SEMA4D: variants seen among roughly 807,000 people sequenced by gnomAD.
The protein encoded by SEMA4D is semaphorin 4D.
A neutral mutation model predicts 74.8 loss-of-function variants in SEMA4D; 22 were observed. The observed-to-expected ratio is 0.29, with a 90% confidence interval of 0.21 to 0.42. The LOEUF (loss-of-function observed/expected upper bound fraction) is 0.42. Among genes scored for constraint, SEMA4D ranks in the 10% least tolerant of loss-of-function variants. The pLI is 1.00. For synonymous variants in SEMA4D, 445 were observed against 463.7 expected (o/e 0.96, Z 0.52); for missense variants, 937 against 1,118.4 (o/e 0.84, Z 2.31).
At chr9:89,394,044 G>A (rs557116273) in intron 6 of SEMA4D, among the ~76,000 whole-genome samples, 6 of 152,250 alleles carry the variant, frequency 3.9e-5, no homozygotes, top group Admixed American at 6.5e-5. Context: ...CAATAAAGAC[G>A]GCATTCTAAG....
chr9:89,451,746 TA>T (rs1168810074), intron 2 of SEMA4D, among the ~76,000 whole-genome samples: 1 of 151,118 alleles, frequency 6.6e-6, no homozygotes, highest in African/African-American at 2.4e-5. Context: ...GACATTAAAA[TA>T]AATTTGGATT....
chr9:89,411,035 G>T (rs1844418659), intron 2 of SEMA4D, among the ~76,000 whole-genome samples: 1 of 152,206 alleles, frequency 6.6e-6, no homozygotes, highest in Admixed American at 6.5e-5. Context: ...ACCAAAACAA[G>T]GGAGCTGCTT....
intron 2 of SEMA4D, among the ~76,000 whole-genome samples, chr9:89,455,605 C>T (rs1320473709): frequency 6.6e-6 from 1 of 152,196 alleles, no homozygotes; most frequent in African/African-American, 2.4e-5. Context: ...ACCAAACAAG[C>T]CACACTCAGC....
intron 12 of SEMA4D, chr9:89,386,793 C>T (rs1026959957): frequency 1.7e-4 from 53 of 302,956 alleles, no homozygotes; most frequent in African/African-American, 1.1e-3. Flanking sequence ...GAGGGGGCTC[C>T]CATGCTCCAC....
At chr9:89,374,501 GTGTT>G (rs1330017221), downstream of SEMA4D, among the ~76,000 whole-genome samples, 1 of 152,194 alleles carries the variant, frequency 6.6e-6, no homozygotes, top group Non-Finnish European at 1.5e-5. Context: ...GTGAGACTGA[GTGTT>G]TGACACTTCA....
chr9:89,445,804 C>G (rs1852679919), intron 2 of SEMA4D, among the ~76,000 whole-genome samples: 1 of 152,190 alleles, frequency 6.6e-6, no homozygotes, highest in African/African-American at 2.4e-5. Context: ...TGGGGAGGGC[C>G]ACCTCCTACC....
chr9:89,432,178 C>A (rs1849421540), intron 2 of SEMA4D, among the ~76,000 whole-genome samples: 1 of 152,250 alleles, frequency 6.6e-6, no homozygotes, highest in African/African-American at 2.4e-5. Context: ...ATCCATAAGA[C>A]AGAGTTGGCC....
chr9:89,467,065 G>T (rs951914855), intron 1 of SEMA4D, among the ~76,000 whole-genome samples: 1 of 152,180 alleles, frequency 6.6e-6, no homozygotes, highest in African/African-American at 2.4e-5. Context: ...GAAGTTAACG[G>T]GGGTTGTCCC....
intron 1 of SEMA4D, among the ~76,000 whole-genome samples, chr9:89,463,169 A>C (rs1195395017): frequency 2.6e-5 from 4 of 151,946 alleles, no homozygotes; most frequent in Admixed American, 6.5e-5. Flanking sequence ...GGGGAATACC[A>C]GATGGGGAAA....
intron 1 of SEMA4D, among the ~76,000 whole-genome samples, chr9:89,485,540 G>A (rs1414811046): frequency 6.6e-6 from 1 of 152,122 alleles, no homozygotes; most frequent in African/African-American, 2.4e-5. Context: ...TGTAATCCTA[G>A]CACTTTGGGA....
Position 89,407,915 on chromosome 9 carries a change from C to G in SEMA4D, c.-243-2216G>C, listed in dbSNP as rs141291089. Among the ~76,000 whole-genome samples, 76 of 152,370 alleles carry G rather than the reference C, an allele frequency of 5.0e-4. No individual in the cohort carries two copies. In the East Asian group the frequency reaches 0.014, roughly 28 times the overall value. On this transcript the variant is annotated intron_variant, in intron 2 of 15. Coordinates refer to ENST00000422704, the MANE Select transcript of SEMA4D (RefSeq NM_001371194.2). Reference sequence around the variant, plus strand: ...TGCACAGTCTCATTCATCTGAGAGGCTTTTCCTCTGTATAACTGATTGGTA... The same window carrying G: ...TGCACAGTCTCATTCATCTGAGAGGGTTTTCCTCTGTATAACTGATTGGTA...
chr9:89,464,828 TG>T (rs1564888845), intron 1 of SEMA4D, among the ~76,000 whole-genome samples: 10 of 151,700 alleles, frequency 6.6e-5, no homozygotes, highest in Admixed American at 6.6e-4. Context: ...CCACGGGGTG[TG>T]GGGGGAGGGT....
At chr9:89,372,445 C>T (rs945772392), downstream of SEMA4D, among the ~76,000 whole-genome samples, 2 of 151,584 alleles carry the variant, frequency 1.3e-5, no homozygotes, top group Non-Finnish European at 2.9e-5. Flanking sequence ...CCGTCCTTCA[C>T]GGCTGGTACC....
chr9:89,361,098 T>G (rs1832725362), exon 19 of SEMA4D: 1 of 152,146 alleles, frequency 6.6e-6, no homozygotes, highest in East Asian at 1.9e-4. Context: ...TATGAGTATG[T>G]GATGGTTCCG....
At chr9:89,426,238 C>T (rs192738383) in intron 2 of SEMA4D, among the ~76,000 whole-genome samples, 260 of 152,334 alleles carry the variant, frequency 1.7e-3, no homozygotes, top group African/African-American at 5.9e-3. Flanking sequence ...GGGGATAGGC[C>T]CAGGAGCCTC....
chr9:89,458,680 G>A (rs557283625), intron 1 of SEMA4D, among the ~76,000 whole-genome samples: 1 of 151,552 alleles, frequency 6.6e-6, no homozygotes, highest in Non-Finnish European at 1.5e-5. Flanking sequence ...AACCTACAGA[G>A]ACACACATAC....
chr9:89,402,809 G>A (rs777462785), intron 4 of SEMA4D, 62 bp downstream of exon 4: 101 of 1,568,154 alleles, frequency 6.4e-5, no homozygotes, highest in Non-Finnish European at 8.5e-5. Flanking sequence ...CCACAGTGGG[G>A]CCAGGAGAGG....
chr9:89,480,692 G>A (rs2136182384), intron 1 of SEMA4D, among the ~76,000 whole-genome samples: 1 of 152,354 alleles, frequency 6.6e-6, no homozygotes, highest in Admixed American at 6.5e-5. Context: ...GGGGCCAGAA[G>A]GGCTGGCTGG....
chr9:89,368,756 C>G (rs973417953), intron 16 of SEMA4D: 1 of 152,358 alleles, frequency 6.6e-6, no homozygotes, highest in Non-Finnish European at 1.5e-5. Context: ...CCAGCCCCAG[C>G]GCTTCTGGAA....
Sources: allele counts gnomAD v4.1 joint callset (sites outside exome capture counted in the v4.1 genomes callset), GRCh38; gene constraint gnomAD v4.1.1; transcripts MANE v1.5; gene names NCBI Gene and HGNC (gene_info 2026-07-23, HGNC 2026-07-21).